ST6GALNAC3: variants seen among roughly 807,000 people sequenced by gnomAD.
ST6GALNAC3 encodes the protein ST6 N-acetylgalactosaminide alpha-2,6-sialyltransferase 3.
ST6GALNAC3 carries 25 observed loss-of-function variants against 32.7 expected under a neutral mutation model. The ratio of observed to expected loss-of-function variants is 0.76; its 90% CI spans 0.56 to 1.07. The LOEUF is 1.07. ST6GALNAC3 is among the 50% of genes least tolerant of loss of function. The pLI is 0.00. For synonymous variants in ST6GALNAC3, 129 were observed against 133.1 expected, an observed-to-expected ratio of 0.97 and a Z score of 0.21; for missense variants, 355 against 382.4, an observed-to-expected ratio of 0.93 and a Z score of 0.60.
chr1:76,507,559 C>T lies in ST6GALNAC3; in HGVS notation c.623+95142C>T, dbSNP rs150765363. ...TAAATATGTGGTCTATTGTGAGTGA[C>T]GTAATGTTTTCAAGGTTCGTCTGTA... On this transcript the variant is annotated intron_variant, in intron 3 of 4. Coordinates refer to ENST00000328299, the MANE Select transcript of ST6GALNAC3 (RefSeq NM_152996.4). Among the ~76,000 whole-genome samples the T allele has an allele frequency of 2.7e-3, 418 of 152,252 alleles. 4 individuals carry two copies. The highest frequency in any genetic ancestry group is 9.2e-3 in the African/African-American group (384 of 41,560).
intron 1 of ST6GALNAC3, among the ~76,000 whole-genome samples, chr1:76,298,101 A>G (rs1660512788): frequency 6.6e-6 from 1 of 152,072 alleles, no homozygotes; most frequent in South Asian, 2.1e-4. Flanking sequence ...CTGGAGGAAC[A>G]GTCAGAGGTC....
intron 1 of ST6GALNAC3, among the ~76,000 whole-genome samples, chr1:76,113,304 C>A (rs1254120924): frequency 7.4e-6 from 1 of 135,822 alleles, no homozygotes; most frequent in African/African-American, 2.7e-5. Context: ...GTCCAGCTTC[C>A]GCTCGGCATC....
intron 1 of ST6GALNAC3, among the ~76,000 whole-genome samples, chr1:76,195,792 T>C (rs1430126534): frequency 6.6e-6 from 1 of 152,248 alleles, no homozygotes; most frequent in Non-Finnish European, 1.5e-5. Flanking sequence ...CAAGGGCTTC[T>C]TCCATGAGCA....
chr1:76,090,565 T>A (rs1048240448), intron 1 of ST6GALNAC3, among the ~76,000 whole-genome samples: 9 of 152,222 alleles, frequency 5.9e-5, no homozygotes, highest in African/African-American at 2.2e-4. Flanking sequence ...ATTCCCTTTC[T>A]TATCTGGTCA....
intron 1 of ST6GALNAC3, among the ~76,000 whole-genome samples, chr1:76,306,790 A>C (rs1303046180): frequency 6.6e-6 from 1 of 151,944 alleles, no homozygotes; most frequent in Admixed American, 6.6e-5. Context: ...ACCTATTCTT[A>C]AATTATAATA....
At chr1:76,271,239 C>T (rs1030316218) in intron 1 of ST6GALNAC3, among the ~76,000 whole-genome samples, 12 of 152,072 alleles carry the variant, frequency 7.9e-5, no homozygotes, top group Admixed American at 5.9e-4. Flanking sequence ...GAGAATTTTG[C>T]GGGCTGTGGT....
chr1:76,615,412 T>C (rs1648230211), intron 3 of ST6GALNAC3, among the ~76,000 whole-genome samples: 5 of 152,228 alleles, frequency 3.3e-5, no homozygotes, highest in Admixed American at 2.6e-4. Flanking sequence ...GTAATTCTGT[T>C]CATCCACGCC....
At chr1:76,159,912 G>A (rs1218488007) in intron 1 of ST6GALNAC3, among the ~76,000 whole-genome samples, 2 of 152,136 alleles carry the variant, frequency 1.3e-5, no homozygotes, top group African/African-American at 4.8e-5. Flanking sequence ...TAAGCACAGA[G>A]ATGTTAAATC....
Position 76,629,918 on chromosome 1 carries a change from C to T in ST6GALNAC3, c.*1112C>T. The stretch of plus-strand genomic sequence containing the variant: ...AATGATTCCTTATATTAAACCTGAC[C>T]AGAGCTTTTTGCCTTCTAGGGATTT... On this transcript the variant is annotated 3_prime_UTR_variant, in exon 5 of 5. Transcript: ENST00000328299. 2.0e-6 allele frequency: 2 copies of T among 985,126 alleles called. No homozygotes were observed. The highest frequency in any genetic ancestry group is 9.4e-5 in the South Asian group (2 of 21,278). 61.0% of individuals were successfully genotyped at this position (985,126 alleles called of 1,614,324 possible). A position where few individuals can be genotyped will look rare whatever the true frequency, so the allele number is the denominator to read the frequency against.
At chr1:76,534,822 G>A (rs1663495976) in intron 3 of ST6GALNAC3, among the ~76,000 whole-genome samples, 1 of 152,096 alleles carries the variant, frequency 6.6e-6, no homozygotes, top group Non-Finnish European at 1.5e-5. Flanking sequence ...GAAAATGATT[G>A]TCTCACCTTT....
chr1:76,106,332 GA>G, intron 1 of ST6GALNAC3, among the ~76,000 whole-genome samples: 1 of 152,240 alleles, frequency 6.6e-6, no homozygotes, highest in African/African-American at 2.4e-5. Flanking sequence ...TCATCCCTTG[GA>G]AAAATGAGCT....
At chr1:76,454,992 C>A (rs944978059) in intron 3 of ST6GALNAC3, among the ~76,000 whole-genome samples, 1 of 151,702 alleles carries the variant, frequency 6.6e-6, no homozygotes, top group Non-Finnish European at 1.5e-5. Flanking sequence ...AATTTATTCT[C>A]TAGATTTCAT....
At chr1:76,309,590 T>G (rs540578666) in intron 1 of ST6GALNAC3, among the ~76,000 whole-genome samples, 1 of 152,300 alleles carries the variant, frequency 6.6e-6, no homozygotes, top group African/African-American at 2.4e-5. Context: ...ACTTGTCATC[T>G]GGAGCACACA....
At chr1:76,399,258 C>T (rs954734322) in intron 2 of ST6GALNAC3, among the ~76,000 whole-genome samples, 3 of 151,986 alleles carry the variant, frequency 2.0e-5, no homozygotes, top group African/African-American at 7.3e-5. Flanking sequence ...TGTTTCCTAC[C>T]TGATGGTATG....
chr1:76,143,392 C>CGTGTGTGTGG (rs1553159046), intron 1 of ST6GALNAC3, among the ~76,000 whole-genome samples: 1 of 142,350 alleles, frequency 7.0e-6, no homozygotes, highest in Non-Finnish European at 1.5e-5. Context: ...CTTACCAAGT[C>CGTGTGTGTGG]GTGTGTGTGT....
intron 3 of ST6GALNAC3, among the ~76,000 whole-genome samples, chr1:76,441,839 A>T (rs1383479866): frequency 6.6e-6 from 1 of 152,156 alleles, no homozygotes; most frequent in East Asian, 1.9e-4. Flanking sequence ...ATTAGCAGCA[A>T]ATCTGGTTCT....
intron 3 of ST6GALNAC3, among the ~76,000 whole-genome samples, chr1:76,460,674 T>C (rs888356160): frequency 1.1e-4 from 17 of 152,342 alleles, no homozygotes; most frequent in African/African-American, 3.6e-4. Context: ...TATTATTCTT[T>C]ATTTGCATTA....
chr1:76,535,859 G>GA (rs1407138507), intron 3 of ST6GALNAC3, among the ~76,000 whole-genome samples: 10 of 151,910 alleles, frequency 6.6e-5, no homozygotes, highest in Middle Eastern at 3.4e-3. Flanking sequence ...TTGTCTTAAA[G>GA]AAAAAATCAT....
intron 3 of ST6GALNAC3, among the ~76,000 whole-genome samples, chr1:76,582,795 T>C (rs1248294558): frequency 1.3e-5 from 2 of 152,186 alleles, no homozygotes; most frequent in Non-Finnish European, 2.9e-5. Context: ...GAAGTAGTTT[T>C]CAAGTGAATT....
Sources: gnomAD v4.1 joint callset for allele counts (sites outside exome capture counted in the v4.1 genomes callset) on GRCh38, gnomAD v4.1.1 for gene constraint, MANE v1.5 for transcripts, NCBI Gene and HGNC (gene_info 2026-07-23, HGNC 2026-07-21) for gene names.